NIPAL2: variants seen among roughly 807,000 people sequenced by gnomAD.
The protein encoded by NIPAL2 is NIPA like domain containing 2.
In NIPAL2, 43 loss-of-function variants were observed where a neutral mutation model predicts 48.9. That is an observed-to-expected ratio of 0.88 (90% CI 0.69 to 1.13). NIPAL2 has a LOEUF of 1.13. Ranked by LOEUF, NIPAL2 falls within the 50% of genes most tolerant of loss-of-function variation. NIPAL2 has a pLI of 0.00. For synonymous variants in NIPAL2, 167 were observed against 174.6 expected, an observed-to-expected ratio of 0.96 and a Z score of 0.34; for missense variants, 446 against 461.4, an observed-to-expected ratio of 0.97 and a Z score of 0.31.
rs558113355 is a variant in NIPAL2 at position 98,204,500 on chromosome 8, G to A, written c.791+611C>T. ...CAATCCCAATGTGAGAGATAGAGGG[G>A]AAGTGATTAGAGTTGATGGAGTGGG... is the stretch of plus-strand genomic sequence containing the variant. On this transcript the variant is annotated intron_variant, in intron 7 of 10. Coordinates refer to ENST00000430223, the MANE Select transcript of NIPAL2 (RefSeq NM_001321635.2). Among the ~76,000 whole-genome samples the A allele has an allele frequency of 7.2e-5, 11 of 152,220 alleles. 1 individual carries two copies. The South Asian group carries it at 2.3e-3, about 32-fold the overall frequency.
intron 1 of NIPAL2, among the ~76,000 whole-genome samples, chr8:98,288,323 G>A (rs1290866619): frequency 6.7e-6 from 1 of 149,624 alleles, no homozygotes; most frequent in Non-Finnish European, 1.5e-5. Context: ...AGTTTACTGA[G>A]AATGATGATT....
chr8:98,292,779 T>C (rs998088907), intron 1 of NIPAL2, among the ~76,000 whole-genome samples: 4 of 151,956 alleles, frequency 2.6e-5, no homozygotes, highest in African/African-American at 9.7e-5. Flanking sequence ...CTTAAACTTA[T>C]ATTGGGAATA....
intron 6 of NIPAL2, among the ~76,000 whole-genome samples, chr8:98,209,402 AGT>A (rs1177065476): frequency 1.4e-5 from 2 of 143,468 alleles, no homozygotes; most frequent in Admixed American, 7.2e-5. Flanking sequence ...TGAGCCTAGG[AGT>A]TTGCAACCAG....
rs950836492 is a variant in NIPAL2 at position 98,192,080 on chromosome 8, G to A, written c.*898C>T. 2 of 152,010 alleles carry A rather than the reference G, an allele frequency of 1.3e-5. No homozygotes were observed. The highest frequency in any genetic ancestry group is 4.8e-5 in the African/African-American group (2 of 41,388). 9.4% of individuals were successfully genotyped at this position (152,010 alleles called of 1,614,324 possible). A position where few individuals can be genotyped will look rare whatever the true frequency, so the allele number is the denominator to read the frequency against. ...TATAAATCCACTTGATAAATTATAA[G>A]ATCTATAAAAAAGACATAGGATATT... On this transcript the variant is annotated 3_prime_UTR_variant, in exon 11 of 11. Transcript: ENST00000430223.
intron 8 of NIPAL2, among the ~76,000 whole-genome samples, chr8:98,201,113 A>G (rs1407713752): frequency 6.6e-6 from 1 of 152,222 alleles, no homozygotes; most frequent in Non-Finnish European, 1.5e-5. Flanking sequence ...CCTTATCAGC[A>G]TTGGATATTG....
intron 4 of NIPAL2, among the ~76,000 whole-genome samples, chr8:98,234,885 C>G (rs942988005): frequency 2.0e-5 from 3 of 151,980 alleles, no homozygotes; most frequent in African/African-American, 4.8e-5. Flanking sequence ...CATACAACTT[C>G]CCCAAATGAT....
chr8:98,197,128 C>T (rs916653718), intron 8 of NIPAL2, among the ~76,000 whole-genome samples: 8 of 142,916 alleles, frequency 5.6e-5, no homozygotes, highest in Middle Eastern at 3.8e-3. Flanking sequence ...CAATGTACTT[C>T]TTCGTACAGG....
intron 3 of NIPAL2, among the ~76,000 whole-genome samples, chr8:98,249,826 A>G (rs906631508): frequency 4.0e-5 from 6 of 149,992 alleles, no homozygotes; most frequent in Non-Finnish European, 5.9e-5. Context: ...CAAAGTATAC[A>G]AATATATATT....
At chr8:98,258,817 C>T (rs1264767078) in intron 1 of NIPAL2, among the ~76,000 whole-genome samples, 1 of 151,898 alleles carries the variant, frequency 6.6e-6, no homozygotes, top group Non-Finnish European at 1.5e-5. Context: ...GACCACAAGG[C>T]ATCCCTGGAG....
chr8:98,258,610 A>C (rs1314783091), intron 1 of NIPAL2, among the ~76,000 whole-genome samples: 1 of 152,180 alleles, frequency 6.6e-6, no homozygotes, highest in African/African-American at 2.4e-5. Context: ...ACCCGAACTT[A>C]GGAGTATGTG....
At chr8:98,286,113 C>A (rs1266885203) in intron 1 of NIPAL2, among the ~76,000 whole-genome samples, 2 of 152,168 alleles carry the variant, frequency 1.3e-5, no homozygotes, top group African/African-American at 4.8e-5. Flanking sequence ...CTTTCTCTTG[C>A]ACATTCTTTC....
intron 5 of NIPAL2, among the ~76,000 whole-genome samples, chr8:98,215,541 G>A (rs1403437395): frequency 6.6e-6 from 1 of 152,108 alleles, no homozygotes; most frequent in Non-Finnish European, 1.5e-5. Context: ...TTCCTGTTAC[G>A]AATTCGTTGA....
rs539515645 is a variant in NIPAL2, at chr8:98,226,578, C to A, written c.437-3978G>T. Among the ~76,000 whole-genome samples the A allele has an allele frequency of 5.9e-5, 9 of 152,092 alleles. No individual in the cohort carries two copies. The East Asian group carries it at 1.5e-3, about 26-fold the overall frequency. On this transcript the variant is annotated intron_variant, in intron 4 of 10. Coordinates refer to ENST00000430223, the MANE Select transcript of NIPAL2 (RefSeq NM_001321635.2). ...TTCTCTTCTCTTACTTTCTCCCAAA[C>A]AAACAGTCTCTCTCTCTCTCCCTCT...
chr8:98,237,680 C>T (rs1219985168), intron 3 of NIPAL2, among the ~76,000 whole-genome samples: 1 of 152,162 alleles, frequency 6.6e-6, no homozygotes, highest in Admixed American at 6.5e-5. Context: ...CCCACCTTTA[C>T]TGAAGTAATT....
chr8:98,201,249 C>G (rs1161062115), intron 8 of NIPAL2, among the ~76,000 whole-genome samples: 5 of 152,178 alleles, frequency 3.3e-5, no homozygotes, highest in African/African-American at 1.2e-4. Flanking sequence ...CACCATTCCA[C>G]TCACCAATAA....
intron 1 of NIPAL2, among the ~76,000 whole-genome samples, chr8:98,270,294 C>T (rs1479599944): frequency 6.6e-6 from 1 of 152,130 alleles, no homozygotes; most frequent in Non-Finnish European, 1.5e-5. Context: ...AATTTACATC[C>T]CCACTAACCA....
At chr8:98,284,523 G>A (rs1816046350) in intron 1 of NIPAL2, among the ~76,000 whole-genome samples, 1 of 151,818 alleles carries the variant, frequency 6.6e-6, no homozygotes, top group Admixed American at 6.6e-5. Flanking sequence ...TGGTAACACT[G>A]CCTTATAGAG....
In NIPAL2 at chr8:98,222,521, T is replaced by C. The variant is rs779341637; in HGVS notation, c.516A>G (p.Thr172=). ...PNITQAISAR[T]VQYYLVGWQF... ...GCCATCCGACAAGGTAATACTGTAC[T>C]GTTCTTGCTGAGATTGCCTGAGTTA... The change falls in exon 5 of 11, where the codon ACA becomes ACG. Residue 172 remains threonine (T), a synonymous_variant. Transcript: ENST00000430223. 6.2e-7 allele frequency: 1 copy of C among 1,614,152 alleles called. No individual in the cohort carries two copies. Among genetic ancestry groups the C allele is most frequent in the East Asian group, 2.2e-5 (1 of 44,888 alleles).
At chr8:98,290,990 A>G (rs1306763994) in intron 1 of NIPAL2, among the ~76,000 whole-genome samples, 1 of 152,222 alleles carries the variant, frequency 6.6e-6, no homozygotes, top group Non-Finnish European at 1.5e-5. Flanking sequence ...CTGGTCAAAC[A>G]AGATGTATCT....
Sources: allele counts gnomAD v4.1 joint callset (sites outside exome capture counted in the v4.1 genomes callset), GRCh38; gene constraint gnomAD v4.1.1; transcripts MANE v1.5; gene names NCBI Gene and HGNC (gene_info 2026-07-23, HGNC 2026-07-21).